The following NR2C2 variants were observed in gnomAD, a reference collection of about 807,000 sequenced individuals.
NR2C2 encodes Nuclear hormone receptor TR4.
NR2C2 carries 6 observed loss-of-function variants against 62.9 expected under a neutral mutation model. That is an observed-to-expected ratio of 0.10 (90% CI 0.05 to 0.19). The LOEUF is 0.19. Ranked by LOEUF, NR2C2 falls within the 10% of genes least tolerant of loss-of-function variation. The pLI is 1.00. For synonymous variants in NR2C2, 272 were observed against 273.8 expected (o/e 0.99, Z 0.07); for missense variants, 479 against 762.7 (o/e 0.63, Z 4.38).
chr3:15,033,620 TA>T lies in NR2C2; in HGVS notation c.1233-1049del, dbSNP rs201585263. On this transcript the variant is annotated intron_variant, in intron 10 of 13. Transcript: ENST00000425241. Reference sequence around the variant, plus strand: ...TGGCCTACCCCTTGCTACTATCTGGTAGGTGGTGTAACCTCAGGCTTTTTTT... The same window carrying T: ...TGGCCTACCCCTTGCTACTATCTGGTGGTGGTGTAACCTCAGGCTTTTTTT... 2.7e-3 allele frequency among the ~76,000 whole-genome samples: 397 copies of T among 149,340 alleles called. 1 individual carries two copies. The highest frequency in any genetic ancestry group is 9.1e-3 in the African/African-American group (372 of 40,666).
chr3:14,992,458 C>T (rs1281475188), intron 1 of NR2C2, among the ~76,000 whole-genome samples: 2 of 152,186 alleles, frequency 1.3e-5, no homozygotes, highest in African/African-American at 4.8e-5. Context: ...AAGACAGAGA[C>T]TGCTTATTCA....
intron 7 of NR2C2, among the ~76,000 whole-genome samples, chr3:15,027,646 G>A (rs1248786035): frequency 1.3e-5 from 2 of 152,060 alleles, no homozygotes; most frequent in African/African-American, 4.8e-5. Flanking sequence ...CTGATAGGCT[G>A]GACTGCAGTG....
chr3:15,016,386 T>A, intron 4 of NR2C2, 132 bp downstream of exon 4: 1 of 620,952 alleles, frequency 1.6e-6, no homozygotes, highest in Non-Finnish European at 2.9e-6. Context: ...TGAATTCTAC[T>A]TTTCTTATTG....
chr3:15,039,845 T>C (rs6442494), intron 13 of NR2C2, among the ~76,000 whole-genome samples: 26,140 of 152,132 alleles, frequency 0.17, 2,588 homozygotes, highest in African/African-American at 0.27. Context: ...TAATGTGCAG[T>C]AAAAATATGT....
At chr3:15,015,274 A>G (rs1272621915) in intron 3 of NR2C2, among the ~76,000 whole-genome samples, 1 of 152,244 alleles carries the variant, frequency 6.6e-6, no homozygotes, top group Non-Finnish European at 1.5e-5. Context: ...AAGTTCAAGT[A>G]CATTTTAAAA....
Position 15,044,969 on chromosome 3 carries a change from T to A in NR2C2, c.*1961T>A, listed in dbSNP as rs944982754. The A allele has an allele frequency of 6.6e-6, 1 of 152,174 alleles. No homozygotes were observed. Among genetic ancestry groups the A allele is most frequent in the Admixed American group, 6.5e-5 (1 of 15,276 alleles). 9.4% of individuals were successfully genotyped at this position (152,174 alleles called of 1,614,324 possible). A position where few individuals can be genotyped will look rare whatever the true frequency, so the allele number is the denominator to read the frequency against. On this transcript the variant is annotated 3_prime_UTR_variant, in exon 14 of 14. Transcript: ENST00000425241. ...TGCCTTGGCAGCAAATTTTGGAGAG[T>A]AGTGGGAGTGGCCATTATAAAATGA...
At chr3:14,989,594 T>C (rs2040608600) in intron 1 of NR2C2, among the ~76,000 whole-genome samples, 1 of 151,990 alleles carries the variant, frequency 6.6e-6, no homozygotes, top group Non-Finnish European at 1.5e-5. Flanking sequence ...CAGGTATCAG[T>C]CTGGGCAACA....
intron 1 of NR2C2, among the ~76,000 whole-genome samples, chr3:14,984,825 T>G (rs1168180551): frequency 6.6e-6 from 1 of 151,930 alleles, no homozygotes; most frequent in African/African-American, 2.4e-5. Context: ...TGCTGGATCA[T>G]ATGGTGGTTT....
At chr3:14,956,130 A>G (rs1186997189) in intron 1 of NR2C2, among the ~76,000 whole-genome samples, 2 of 152,154 alleles carry the variant, frequency 1.3e-5, no homozygotes, top group African/African-American at 4.8e-5. Context: ...GTATACCTAA[A>G]CTTAACCTTA....
chr3:14,958,086 T>C (rs2039579340), intron 1 of NR2C2, among the ~76,000 whole-genome samples: 1 of 152,256 alleles, frequency 6.6e-6, no homozygotes, highest in Non-Finnish European at 1.5e-5. Flanking sequence ...TGTAACGTTT[T>C]CATTGGTTCT....
intron 1 of NR2C2, among the ~76,000 whole-genome samples, chr3:14,974,237 CTATT>C (rs2040136244): frequency 6.6e-6 from 1 of 152,142 alleles, no homozygotes; most frequent in South Asian, 2.1e-4. Context: ...CCGGTTCAGG[CTATT>C]TGTTTGTATG....
intron 1 of NR2C2, among the ~76,000 whole-genome samples, chr3:14,998,625 A>C (rs2040898782): frequency 6.6e-6 from 1 of 152,146 alleles, no homozygotes; most frequent in African/African-American, 2.4e-5. Flanking sequence ...TCTTGTTATT[A>C]AGTTGTAATG....
At chr3:15,016,282 T>G in intron 4 of NR2C2, 28 bp downstream of exon 4, 1 of 1,507,938 alleles carries the variant, frequency 6.6e-7, no homozygotes, top group Non-Finnish European at 9.2e-7. Context: ...ATGCTGGCAC[T>G]TATAATGGGC....
intron 11 of NR2C2, among the ~76,000 whole-genome samples, chr3:15,037,194 GTTA>G (rs956046815): frequency 6.7e-5 from 10 of 148,318 alleles, no homozygotes; most frequent in African/African-American, 1.7e-4. Flanking sequence ...TTTTTGTTGT[GTTA>G]TTGTTTTTTG....
intron 13 of NR2C2, among the ~76,000 whole-genome samples, chr3:15,041,695 A>G (rs909249218): frequency 3.9e-5 from 6 of 152,060 alleles, no homozygotes; most frequent in South Asian, 2.1e-4. Context: ...CTCTATGACA[A>G]AAAAATGAAA....
At chr3:14,989,120 G>T (rs2040593495) in intron 1 of NR2C2, among the ~76,000 whole-genome samples, 1 of 152,156 alleles carries the variant, frequency 6.6e-6, no homozygotes, top group East Asian at 1.9e-4. Context: ...GCTACAGCCT[G>T]CCTTAGTGGC....
chr3:14,963,917 AC>A (rs1038012185), intron 1 of NR2C2, among the ~76,000 whole-genome samples: 1 of 152,038 alleles, frequency 6.6e-6, no homozygotes, highest in Non-Finnish European at 1.5e-5. Flanking sequence ...CTAGTTACCT[AC>A]CCCCCTCCCC....
chr3:14,975,873 A>G (rs540466037), intron 1 of NR2C2, among the ~76,000 whole-genome samples: 92 of 152,196 alleles, frequency 6.0e-4, no homozygotes, highest in Non-Finnish European at 1.2e-3. Context: ...TTGATTACTT[A>G]TTCTATCTTC....
intron 3 of NR2C2, 27 bp from the exon 4 acceptor site, chr3:15,016,125 C>A (rs1395049897): frequency 1.9e-6 from 3 of 1,560,184 alleles, no homozygotes; most frequent in Non-Finnish European, 2.7e-6. Flanking sequence ...TAATTGGCAC[C>A]CCTGTTCGTT....
Sources: gnomAD v4.1 joint callset for allele counts (sites outside exome capture counted in the v4.1 genomes callset) on GRCh38, gnomAD v4.1.1 for gene constraint, MANE v1.5 for transcripts, NCBI Gene and HGNC (gene_info 2026-07-23, HGNC 2026-07-21) for gene names.